Variants in HMGB1 observed in about 807,000 individuals in gnomAD.
The protein encoded by HMGB1 is high mobility group box 1.
For missense variants in HMGB1, 79 were observed against 253.5 expected (o/e 0.31, Z 4.67); for synonymous variants, 81 against 84.0 (o/e 0.96, Z 0.19).
chr13:30,566,244 G>T (rs1361761589), intron 1 of HMGB1, among the ~76,000 whole-genome samples: 2 of 152,214 alleles, frequency 1.3e-5, no homozygotes, highest in Admixed American at 1.3e-4. Flanking sequence ...ACACGCTCAA[G>T]TTCTCATTAT....
chr13:30,576,187 A>G (rs1470139504), intron 1 of HMGB1, among the ~76,000 whole-genome samples: 1 of 152,108 alleles, frequency 6.6e-6, no homozygotes, highest in East Asian at 1.9e-4. Context: ...ACATAGACCC[A>G]ATTTTCAAAC....
intron 1 of HMGB1, among the ~76,000 whole-genome samples, chr13:30,573,125 G>A (rs894336339): frequency 6.6e-6 from 1 of 152,044 alleles, no homozygotes; most frequent in Admixed American, 6.6e-5. Flanking sequence ...TTCTTCTGGG[G>A]GGTCTGAATT....
intron 1 of HMGB1, among the ~76,000 whole-genome samples, chr13:30,476,311 G>T (rs1336870915): frequency 6.6e-6 from 1 of 151,772 alleles, no homozygotes; most frequent in Non-Finnish European, 1.5e-5. Context: ...CTAATTTTTT[G>T]TATTTTCAGT....
chr13:30,554,371 T>A (rs1869579570), intron 1 of HMGB1: 6 of 847,358 alleles, frequency 7.1e-6, no homozygotes, highest in Non-Finnish European at 1.2e-5. Context: ...CTTGTCTTGT[T>A]TTGATGGGAA....
chr13:30,603,320 G>A (rs192383000), intron 1 of HMGB1, among the ~76,000 whole-genome samples: 7 of 152,130 alleles, frequency 4.6e-5, no homozygotes, highest in South Asian at 4.2e-4. Flanking sequence ...ACTACCTGAC[G>A]GCAGAATCTC....
At chr13:30,608,180 C>T (rs1449056015) in intron 1 of HMGB1, among the ~76,000 whole-genome samples, 2 of 152,158 alleles carry the variant, frequency 1.3e-5, no homozygotes, top group Non-Finnish European at 2.9e-5. Context: ...ACATAAGAGG[C>T]TCCGAACTGG....
intron 1 of HMGB1, among the ~76,000 whole-genome samples, chr13:30,473,505 C>T (rs1886997208): frequency 6.6e-6 from 1 of 152,184 alleles, no homozygotes; most frequent in African/African-American, 2.4e-5. Flanking sequence ...CATCAAACAT[C>T]AAATTCAGCT....
At chr13:30,555,033 G>GTTTTTTTTTTTT (rs1007919529) in intron 1 of HMGB1, among the ~76,000 whole-genome samples, 5 of 72,412 alleles carry the variant, frequency 6.9e-5, no homozygotes, top group Non-Finnish European at 9.5e-5. Context: ...GTGTCGTTGT[G>GTTTTTTTTTTTT]TTTTTTTTTT....
chr13:30,464,346 G>A (rs1336406983), intron 1 of HMGB1: 1 of 985,358 alleles, frequency 1.0e-6, no homozygotes, highest in South Asian at 4.7e-5. Context: ...CCGGTCTGAA[G>A]TTTCTCCGAG....
chr13:30,505,271 T>C (rs936460707), intron 1 of HMGB1, among the ~76,000 whole-genome samples: 9 of 151,944 alleles, frequency 5.9e-5, no homozygotes, highest in Non-Finnish European at 1.2e-4. Flanking sequence ...CTCCGCCTCC[T>C]GGGTTCAAAC....
At chr13:30,465,550 G>A (rs1886731968) in intron 1 of HMGB1, among the ~76,000 whole-genome samples, 1 of 151,218 alleles carries the variant, frequency 6.6e-6, no homozygotes, top group Admixed American at 6.6e-5. Flanking sequence ...CGCCGGGGGT[G>A]GAAACTCGCG....
intron 1 of HMGB1, among the ~76,000 whole-genome samples, chr13:30,489,520 T>C (rs1200861413): frequency 2.6e-5 from 4 of 152,200 alleles, no homozygotes; most frequent in Admixed American, 2.6e-4. Context: ...AACTTACTCA[T>C]TTTAAATAAG....
Position 30,465,907 on chromosome 13 carries a change from G to T in HMGB1, c.-126C>A, listed in dbSNP as rs1206259871. On this transcript the variant is annotated 5_prime_UTR_variant, in exon 1 of 5. In the 5' UTR this introduces an upstream ATG that the reference lacks. Coordinates refer to ENST00000341423, the MANE Select transcript of HMGB1 (RefSeq NM_002128.7). ...GCTGTGAGAGCGGGAGCCAGACGCA[G>T]CCTCCTCACTCTCTCCGCTCTGTAA... The T allele has an allele frequency of 1.1e-5, 11 of 985,832 alleles. No individual in the cohort carries two copies. The Admixed American group carries it at 2.5e-4, about 22-fold the overall frequency. The allele number at this position is 985,832 out of a possible 1,614,324, so 61.1% of individuals were successfully genotyped here.
intron 1 of HMGB1, among the ~76,000 whole-genome samples, chr13:30,490,217 A>G (rs538278961): frequency 6.6e-6 from 1 of 152,186 alleles, no homozygotes; most frequent in African/African-American, 2.4e-5. Flanking sequence ...ACTTTTTGCC[A>G]TTATGCCTTC....
intron 1 of HMGB1, among the ~76,000 whole-genome samples, chr13:30,615,976 C>T (rs1181658042): frequency 2.0e-5 from 3 of 152,146 alleles, no homozygotes; most frequent in Admixed American, 1.3e-4. Flanking sequence ...TAGCTTTAAT[C>T]CCACTGGAAG....
At chr13:30,577,393 A>G (rs932391409) in intron 1 of HMGB1, among the ~76,000 whole-genome samples, 5 of 151,290 alleles carry the variant, frequency 3.3e-5, no homozygotes, top group Non-Finnish European at 4.4e-5. Flanking sequence ...CGTCCTCACC[A>G]AAACCCAATC....
intron 1 of HMGB1, among the ~76,000 whole-genome samples, chr13:30,614,154 A>G (rs1950538960): frequency 6.6e-6 from 1 of 152,370 alleles, no homozygotes; most frequent in Non-Finnish European, 1.5e-5. Context: ...AAAATATACC[A>G]GAAACTGGTA....
intron 1 of HMGB1, among the ~76,000 whole-genome samples, chr13:30,616,518 A>C (rs1013311977): frequency 4.6e-5 from 7 of 152,242 alleles, no homozygotes; most frequent in Non-Finnish European, 8.8e-5. Flanking sequence ...ACAAGAAAAC[A>C]ACCCTCTGAG....
intron 1 of HMGB1, among the ~76,000 whole-genome samples, chr13:30,561,991 T>C (rs1869972600): frequency 6.6e-6 from 1 of 152,144 alleles, no homozygotes; most frequent in South Asian, 2.1e-4. Context: ...CCCTGGTTAA[T>C]GATGGAGTCA....
Sources: allele counts gnomAD v4.1 joint callset (sites outside exome capture counted in the v4.1 genomes callset), GRCh38; gene constraint gnomAD v4.1.1; transcripts MANE v1.5; gene names NCBI Gene and HGNC (gene_info 2026-07-23, HGNC 2026-07-21).